ESR1: variants seen among roughly 807,000 people sequenced by gnomAD.
The protein encoded by ESR1 is estrogen receptor.
A neutral mutation model predicts 52.7 loss-of-function variants in ESR1; 12 were observed. The ratio of observed to expected loss-of-function variants is 0.23; its 90% CI spans 0.15 to 0.37. ESR1 has a LOEUF of 0.37. Among genes scored for constraint, ESR1 ranks in the 10% least tolerant of loss-of-function variants. The pLI is 1.00. For synonymous variants in ESR1, 305 were observed against 316.8 expected, an observed-to-expected ratio of 0.96 and a Z score of 0.39; for missense variants, 584 against 779.7, an observed-to-expected ratio of 0.75 and a Z score of 2.99.
chr6:152,081,897 C>T (rs144789102), intron 6 of ESR1, among the ~76,000 whole-genome samples: 2 of 152,248 alleles, frequency 1.3e-5, no homozygotes, highest in African/African-American at 4.8e-5. Context: ...AATTCCTGGA[C>T]ACATACACCC....
intron 1 of ESR1, among the ~76,000 whole-genome samples, chr6:151,678,148 A>C (rs1440384989): frequency 2.0e-5 from 3 of 152,146 alleles, no homozygotes; most frequent in Non-Finnish European, 2.9e-5. Context: ...TTCTCCTTGC[A>C]CATGAGAATC....
intron 5 of ESR1, among the ~76,000 whole-genome samples, chr6:152,019,157 C>T (rs1450192789): frequency 6.6e-6 from 1 of 152,150 alleles, no homozygotes; most frequent in Middle Eastern, 3.2e-3. Context: ...TTATGATTGC[C>T]ACTTCTTATT....
intron 2 of ESR1, among the ~76,000 whole-genome samples, chr6:151,713,809 T>G (rs947146238): frequency 6.6e-6 from 1 of 152,190 alleles, no homozygotes; most frequent in Non-Finnish European, 1.5e-5. Flanking sequence ...ATTGATTTTT[T>G]TTTGAAGTTT....
chr6:152,122,625 C>T (rs776580317), intron 6 of ESR1: 2 of 1,614,104 alleles, frequency 1.2e-6, no homozygotes, highest in Admixed American at 1.7e-5. Flanking sequence ...CGCGGCCGGA[C>T]CGACCTGGCC....
intron 3 of ESR1, among the ~76,000 whole-genome samples, chr6:151,925,361 C>T (rs2032534906): frequency 6.6e-6 from 1 of 152,158 alleles, no homozygotes. Context: ...AATCCCAGCA[C>T]TTTGGGAAGC....
At chr6:152,075,250 C>T (rs892777455) in intron 6 of ESR1, among the ~76,000 whole-genome samples, 1 of 152,192 alleles carries the variant, frequency 6.6e-6, no homozygotes, top group Non-Finnish European at 1.5e-5. Flanking sequence ...GAGGACTTTA[C>T]ATGAGGTTCA....
Position 151,874,922 on chromosome 6 carries a change from C to G in ESR1, c.644-5733C>G, listed in dbSNP as rs561306480. Reference sequence around the variant, plus strand: ...AAAAAGTTAAAACACACTATGAAAACAAATCATTATTAGTAAAATGAACCA... The same window carrying G: ...AAAAAGTTAAAACACACTATGAAAAGAAATCATTATTAGTAAAATGAACCA... On this transcript the variant is annotated intron_variant, in intron 2 of 7. Coordinates refer to ENST00000206249, the MANE Select transcript of ESR1 (RefSeq NM_000125.4). 3.3e-5 allele frequency among the ~76,000 whole-genome samples: 5 copies of G among 152,208 alleles called. No individual in the cohort carries two copies. The East Asian group carries it at 9.6e-4, about 29-fold the overall frequency.
intron 1 of ESR1, among the ~76,000 whole-genome samples, chr6:151,811,949 C>A (rs1452329453): frequency 6.6e-6 from 1 of 152,142 alleles, no homozygotes; most frequent in African/African-American, 2.4e-5. Flanking sequence ...TTCTCACACT[C>A]ATTTAATTTG....
intron 3 of ESR1, among the ~76,000 whole-genome samples, chr6:151,931,366 T>C (rs2033574753): frequency 6.6e-6 from 1 of 152,186 alleles, no homozygotes; most frequent in Non-Finnish European, 1.5e-5. Flanking sequence ...CATTTGCTTT[T>C]GATTCTTTCT....
chr6:152,030,315 A>G (rs1003450846), intron 5 of ESR1, among the ~76,000 whole-genome samples: 5 of 152,178 alleles, frequency 3.3e-5, no homozygotes, highest in African/African-American at 1.2e-4. Context: ...AATGGGCTAA[A>G]TGCTTCAATT....
intron 3 of ESR1, among the ~76,000 whole-genome samples, chr6:151,923,006 A>G (rs1347988452): frequency 6.6e-6 from 1 of 152,146 alleles, no homozygotes; most frequent in Non-Finnish European, 1.5e-5. Context: ...GGCTCCTACC[A>G]TCTGCTATTT....
chr6:151,989,538 A>G (rs935057589), intron 4 of ESR1, among the ~76,000 whole-genome samples: 3 of 152,150 alleles, frequency 2.0e-5, no homozygotes, highest in South Asian at 2.1e-4. Flanking sequence ...GGGCAATGAA[A>G]GGAAATGTAG....
chr6:151,784,438 TA>T (rs1269123896), intron 2 of ESR1, among the ~76,000 whole-genome samples: 11 of 152,154 alleles, frequency 7.2e-5, no homozygotes, highest in Non-Finnish European at 1.3e-4. Flanking sequence ...AAAAACACTT[TA>T]AAAAAATGAA....
chr6:151,910,063 T>C (rs982891068), intron 3 of ESR1, among the ~76,000 whole-genome samples: 2 of 151,506 alleles, frequency 1.3e-5, no homozygotes, highest in Admixed American at 6.6e-5. Flanking sequence ...CCACCCTTTT[T>C]ATCTCTGACA....
intron 2 of ESR1, among the ~76,000 whole-genome samples, chr6:151,724,734 T>A (rs1179624807): frequency 3.3e-5 from 5 of 152,140 alleles, no homozygotes; most frequent in Non-Finnish European, 5.9e-5. Context: ...AAGACAGATT[T>A]TTGTGAGGTG....
intron 4 of ESR1, among the ~76,000 whole-genome samples, chr6:152,001,858 C>CT (rs1446304195): frequency 6.6e-6 from 1 of 151,936 alleles, no homozygotes; most frequent in East Asian, 1.9e-4. Flanking sequence ...TATAGAAAGA[C>CT]TGGAGGGAAG....
At chr6:152,000,894 A>G (rs2041894951) in intron 4 of ESR1, among the ~76,000 whole-genome samples, 1 of 152,022 alleles carries the variant, frequency 6.6e-6, no homozygotes, top group African/African-American at 2.4e-5. Context: ...TTTTACTACT[A>G]AATGTAAGGC....
intron 3 of ESR1, among the ~76,000 whole-genome samples, chr6:151,922,462 C>T (rs2031885298): frequency 6.6e-6 from 1 of 152,168 alleles, no homozygotes; most frequent in Admixed American, 6.5e-5. Context: ...TATCAGCCAT[C>T]TAGAACCCAT....
intron 2 of ESR1, among the ~76,000 whole-genome samples, chr6:151,787,624 T>C (rs1203433998): frequency 6.6e-6 from 1 of 152,148 alleles, no homozygotes; most frequent in Non-Finnish European, 1.5e-5. Flanking sequence ...TGGGATTGTG[T>C]TCCTGATTTG....
Sources: gnomAD v4.1 joint callset for allele counts (sites outside exome capture counted in the v4.1 genomes callset) on GRCh38, gnomAD v4.1.1 for gene constraint, MANE v1.5 for transcripts, NCBI Gene and HGNC (gene_info 2026-07-23, HGNC 2026-07-21) for gene names.